Variants in ZNF33B observed in about 807,000 individuals in gnomAD.
ZNF33B encodes the protein zinc finger protein 33B, also known as zinc finger protein 11b (KOX 2).
In ZNF33B, 29 loss-of-function variants were observed where a neutral mutation model predicts 45.8. That is an observed-to-expected ratio of 0.63 (90% CI 0.47 to 0.86). The LOEUF (loss-of-function observed/expected upper bound fraction) is 0.86, where lower values mean the gene tolerates loss of function less well. Ranked by LOEUF, ZNF33B falls within the 40% of genes least tolerant of loss-of-function variation. The pLI is 0.00. For synonymous variants in ZNF33B, 305 were observed against 307.8 expected (o/e 0.99, Z 0.10); for missense variants, 831 against 909.9 (o/e 0.91, Z 1.12).
At chr10:42,580,827 G>A (rs768946080) in intron 1 of ZNF33B, among the ~76,000 whole-genome samples, 39 of 151,816 alleles carry the variant, frequency 2.6e-4, no homozygotes, top group Non-Finnish European at 4.6e-4. Context: ...CCAGGAGGCA[G>A]AGGTTGCAGT....
At chr10:42,577,125 T>G (rs1290073640) in intron 1 of ZNF33B, among the ~76,000 whole-genome samples, 1 of 78,112 alleles carries the variant, frequency 1.3e-5, no homozygotes, top group Non-Finnish European at 2.3e-5. Flanking sequence ...GGAGCAAGAC[T>G]CCATCTCAAA....
rs1408319858 is a variant in ZNF33B at position 42,581,779 on chromosome 10, T to A, written c.74-7101A>T. On this transcript the variant is annotated intron_variant, in intron 1 of 1. Coordinates refer to the ZNF33B transcript ENST00000462075. Reference sequence around the variant, plus strand: ...GTCTTTTAGGATAGAATCCTTATTGTGAGTTATCAAGTCCCCACATGAAAC... The same window carrying A: ...GTCTTTTAGGATAGAATCCTTATTGAGAGTTATCAAGTCCCCACATGAAAC... The A allele has an allele frequency of 5.9e-5, 9 of 152,334 alleles. No homozygotes were observed. The East Asian group carries it at 1.7e-3, about 29-fold the overall frequency. 9.4% of individuals were successfully genotyped at this position (152,334 alleles called of 1,614,324 possible). A position where few individuals can be genotyped will look rare whatever the true frequency, so the allele number is the denominator to read the frequency against.
intron 1 of ZNF33B, among the ~76,000 whole-genome samples, chr10:42,581,048 C>G (rs1338130875): frequency 1.3e-5 from 2 of 152,110 alleles, no homozygotes; most frequent in Non-Finnish European, 2.9e-5. Context: ...AGCCTACGGT[C>G]AGGGTTTTAT....
chr10:42,611,884 C>A (rs555747309), intron 4 of ZNF33B, among the ~76,000 whole-genome samples: 2 of 152,284 alleles, frequency 1.3e-5, no homozygotes, highest in South Asian at 4.1e-4. Context: ...GGCAATCATG[C>A]CTGTACAAAC....
At chr10:42,633,382 C>G (rs993188217) in intron 2 of ZNF33B, among the ~76,000 whole-genome samples, 2 of 152,176 alleles carry the variant, frequency 1.3e-5, no homozygotes, top group East Asian at 3.9e-4. Flanking sequence ...TGAGCATATA[C>G]TGCAATTATG....
At chr10:42,612,612 T>C (rs1274363757) in intron 4 of ZNF33B, among the ~76,000 whole-genome samples, 1 of 152,184 alleles carries the variant, frequency 6.6e-6, no homozygotes, top group African/African-American at 2.4e-5. Context: ...TGTTGTATTC[T>C]ACTTGGATTT....
intron 4 of ZNF33B, among the ~76,000 whole-genome samples, chr10:42,600,920 C>G (rs189776486): frequency 7.4e-4 from 102 of 137,362 alleles, no homozygotes; most frequent in African/African-American, 2.4e-3. Flanking sequence ...ATTTCCTGTT[C>G]TTCATCCCCC....
At chr10:42,599,155 T>C (rs1225711858) in intron 4 of ZNF33B, among the ~76,000 whole-genome samples, 1 of 152,168 alleles carries the variant, frequency 6.6e-6, no homozygotes, top group Non-Finnish European at 1.5e-5. Context: ...ATAATATCTA[T>C]AGAATCTTCA....
downstream of ZNF33B, among the ~76,000 whole-genome samples, chr10:42,586,586 C>T (rs1836940840): frequency 6.6e-6 from 1 of 152,198 alleles, no homozygotes; most frequent in African/African-American, 2.4e-5. Context: ...TATTATAAAT[C>T]TCTCTCCCAG....
chr10:42,620,929 T>C (rs1292660441), intron 4 of ZNF33B, among the ~76,000 whole-genome samples: 3 of 152,072 alleles, frequency 2.0e-5, no homozygotes, highest in Admixed American at 6.6e-5. Flanking sequence ...GTTCCATCAA[T>C]AAGATATAAA....
intron 1 of ZNF33B, among the ~76,000 whole-genome samples, chr10:42,637,261 A>G (rs1282943018): frequency 6.6e-6 from 1 of 152,244 alleles, no homozygotes. Context: ...AAAAATGTAT[A>G]ATGACAATAT....
chr10:42,592,778 A>G lies in ZNF33B; in HGVS notation c.2172T>C (p.Asn724=), dbSNP rs1837189729. ...TACGGTAAAAGATTTTTCCACATTC[A>G]TTACACTGACAAGATTTCTCTCCTG... ...AHTGEKSCQC[N]ECGKIFYRKS... Residue 724 remains asparagine (N), a synonymous_variant, in exon 5 of 5, where the codon AAT becomes AAC. Transcript: ENST00000359467. 1.9e-6 allele frequency: 3 copies of G among 1,614,050 alleles called. No homozygotes were observed. Among genetic ancestry groups the G allele is most frequent in the East Asian group, 4.5e-5 (2 of 44,868 alleles).
At chr10:42,611,459 C>A (rs1184125632) in intron 4 of ZNF33B, among the ~76,000 whole-genome samples, 1 of 152,090 alleles carries the variant, frequency 6.6e-6, no homozygotes, top group African/African-American at 2.4e-5. Flanking sequence ...CAAAAACTAA[C>A]TGAAAATGGA....
chr10:42,622,078 C>A (rs1838616162), intron 4 of ZNF33B, among the ~76,000 whole-genome samples: 1 of 152,114 alleles, frequency 6.6e-6, no homozygotes, highest in African/African-American at 2.4e-5. Context: ...AACAATTCTA[C>A]CTATAGCACC....
At chr10:42,625,293 A>G (rs1309239333) in intron 4 of ZNF33B, among the ~76,000 whole-genome samples, 1 of 152,112 alleles carries the variant, frequency 6.6e-6, no homozygotes, top group African/African-American at 2.4e-5. Flanking sequence ...AAGGTCCTAT[A>G]CATATTTTGT....
chr10:42,636,421 C>T (rs2132179490), intron 2 of ZNF33B, among the ~76,000 whole-genome samples: 1 of 152,326 alleles, frequency 6.6e-6, no homozygotes, highest in South Asian at 2.1e-4. Context: ...ACATAAGAAA[C>T]ACATGAAGCT....
intron 4 of ZNF33B, among the ~76,000 whole-genome samples, chr10:42,627,503 ACT>A (rs1387159788): frequency 1.3e-5 from 2 of 151,934 alleles, no homozygotes; most frequent in African/African-American, 4.8e-5. Flanking sequence ...AGTTTTCTCT[ACT>A]TTTTCCTATT....
chr10:42,605,319 A>T (rs1837796611), intron 4 of ZNF33B: 1 of 151,974 alleles, frequency 6.6e-6, no homozygotes, highest in Non-Finnish European at 1.5e-5. Context: ...GACGAAGAGA[A>T]AATCCTGAAA....
rs546622683 is a variant in ZNF33B at position 42,630,364 on chromosome 10, G to C, written c.250+1565C>G. ...AGTCATTCCCTGCAGGGAATGTGTTGTTTCTCTCTGGCTACTTTGAAATTT... is the reference window on the plus strand; with the variant it reads ...AGTCATTCCCTGCAGGGAATGTGTTCTTTCTCTCTGGCTACTTTGAAATTT... On this transcript the variant is annotated intron_variant, in intron 4 of 4. Coordinates refer to ENST00000359467, the MANE Select transcript of ZNF33B (RefSeq NM_006955.3). 1.5e-3 allele frequency among the ~76,000 whole-genome samples: 226 copies of C among 152,176 alleles called. 1 individual carries two copies. The highest frequency in any genetic ancestry group is 5.6e-3 in the South Asian group (27 of 4,818).
Sources: allele counts gnomAD v4.1 joint callset (sites outside exome capture counted in the v4.1 genomes callset), GRCh38; gene constraint gnomAD v4.1.1; transcripts MANE v1.5; gene names NCBI Gene and HGNC (gene_info 2026-07-23, HGNC 2026-07-21).